Variants in NEMP2 observed in about 807,000 individuals in gnomAD.
The protein encoded by NEMP2 is UPF0571 transmembrane protein.
A neutral mutation model predicts 54.2 loss-of-function variants in NEMP2; 53 were observed. The ratio of observed to expected loss-of-function variants is 0.98; its 90% CI spans 0.78 to 1.23. The LOEUF is 1.23. NEMP2 is among the 50% of genes most tolerant of loss of function. NEMP2 has a pLI of 0.00. For missense variants in NEMP2, 455 were observed against 511.3 expected (o/e 0.89, Z 1.06); for synonymous variants, 197 against 190.3 (o/e 1.04, Z -0.29).
the NEMP2 span, among the ~76,000 whole-genome samples, chr2:190,455,855 G>C: frequency 1.3e-5 from 2 of 148,332 alleles, no homozygotes; most frequent in African/African-American, 2.5e-5. Context: ...AAACAGAATA[G>C]AGCAAAATTT....
At chr2:190,536,022 A>T (rs541813036), upstream of NEMP2, 1 of 152,260 alleles carries the variant, frequency 6.6e-6, no homozygotes, top group Non-Finnish European at 1.5e-5. Context: ...TTTTCTACAG[A>T]TATATCTGGT....
chr2:190,487,295 C>T, the NEMP2 span, among the ~76,000 whole-genome samples: 2 of 152,268 alleles, frequency 1.3e-5, no homozygotes, highest in African/African-American at 4.8e-5. The surrounding 1 kb of genome is among the most constrained non-coding windows in gnomAD (Gnocchi z 5.5). Flanking sequence ...GAGCTGAGGT[C>T]GTGCCACTGC....
chr2:190,512,858 T>C lies in NEMP2; in HGVS notation c.953+1595A>G, dbSNP rs941331833. On this transcript the variant is annotated intron_variant, in intron 7 of 8. Transcript: ENST00000409150. This position sits in a 1 kb window ranked among gnomAD's most constrained non-coding sequence, Gnocchi z 4.5. ...GCCTTTCAGCCCCGCCAGCATCTTC[T>C]GTGCGGGCTCCCTGTCCTGTCAATG... 2.6e-5 allele frequency among the ~76,000 whole-genome samples: 4 copies of C among 152,236 alleles called. No homozygotes were observed. Among genetic ancestry groups the C allele is most frequent in the Non-Finnish European group, 4.4e-5 (3 of 68,044 alleles).
chr2:190,611,002 T>C, the NEMP2 span: 10 of 152,308 alleles, frequency 6.6e-5, no homozygotes, highest in African/African-American at 2.4e-5. This position sits in a 1 kb window ranked among gnomAD's most constrained non-coding sequence, Gnocchi z 5.4. Context: ...GAAACCTGCA[T>C]TCAAGAGCAC....
chr2:190,585,554 C>T, the NEMP2 span, among the ~76,000 whole-genome samples: 1 of 152,156 alleles, frequency 6.6e-6, no homozygotes, highest in Non-Finnish European at 1.5e-5. This position sits in a 1 kb window ranked among gnomAD's most constrained non-coding sequence, Gnocchi z 5.3. Flanking sequence ...GTCTAGTCCC[C>T]CACCCCCATG....
the NEMP2 span, among the ~76,000 whole-genome samples, chr2:190,627,166 T>C: frequency 5.3e-5 from 8 of 152,222 alleles, no homozygotes; most frequent in Non-Finnish European, 1.2e-4. The surrounding 1 kb of genome is among the most constrained non-coding windows in gnomAD (Gnocchi z 4.4). Flanking sequence ...CCATTTTATT[T>C]TCCCGTGTTG....
At chr2:190,585,180 T>C in the NEMP2 span, among the ~76,000 whole-genome samples, 3 of 152,346 alleles carry the variant, frequency 2.0e-5, no homozygotes, top group East Asian at 5.8e-4. This position sits in a 1 kb window ranked among gnomAD's most constrained non-coding sequence, Gnocchi z 5.3. Flanking sequence ...CTCATATGAA[T>C]CTAACAAGGA....
rs775046022 is a variant in NEMP2, at chr2:190,509,425, A to G, written c.1131-113T>C. 1.9e-4 allele frequency: 236 copies of G among 1,234,818 alleles called. 2 individuals carry two copies. The highest frequency in any genetic ancestry group is 2.5e-4 in the Non-Finnish European group (223 of 880,134). The allele number at this position is 1,234,818 out of a possible 1,614,324, so 76.5% of individuals were successfully genotyped here. On this transcript the variant is annotated intron_variant, in intron 8 of 8. Transcript: ENST00000409150. This position sits in a 1 kb window ranked among gnomAD's most constrained non-coding sequence, Gnocchi z 6.1. ...TTTAATTAAATTTGACTTTGCATCA[A>G]TACAGGGTGGCATTTACACAGTGGG...
the NEMP2 span, among the ~76,000 whole-genome samples, chr2:190,611,250 A>G: frequency 6.6e-6 from 1 of 152,242 alleles, no homozygotes; most frequent in African/African-American, 2.4e-5. The surrounding 1 kb of genome is among the most constrained non-coding windows in gnomAD (Gnocchi z 5.4). Flanking sequence ...TGGAACACAT[A>G]CAAATAACAT....
At chr2:190,613,758 T>G in the NEMP2 span, among the ~76,000 whole-genome samples, 1 of 152,076 alleles carries the variant, frequency 6.6e-6, no homozygotes, top group East Asian at 1.9e-4. Context: ...CGGCTAATTT[T>G]TAAAATATTT....
chr2:190,486,592 C>A, the NEMP2 span, among the ~76,000 whole-genome samples: 1 of 152,206 alleles, frequency 6.6e-6, no homozygotes, highest in Non-Finnish European at 1.5e-5. Flanking sequence ...TTGCTGATGT[C>A]CCTCAGGAAC....
the NEMP2 span, chr2:190,629,937 A>G: frequency 2.0e-5 from 3 of 152,272 alleles, no homozygotes; most frequent in Non-Finnish European, 4.4e-5. Context: ...CTTCGCCAGT[A>G]CAATCCTAAA....
chr2:190,437,599 G>T, the NEMP2 span: 21 of 1,579,240 alleles, frequency 1.3e-5, no homozygotes, highest in South Asian at 2.4e-4. This position sits in a 1 kb window ranked among gnomAD's most constrained non-coding sequence, Gnocchi z 5.9. Context: ...CTCAGCAATT[G>T]AACTTTATCT....
the NEMP2 span, among the ~76,000 whole-genome samples, chr2:190,478,790 T>C: frequency 6.6e-6 from 1 of 151,720 alleles, no homozygotes; most frequent in Non-Finnish European, 1.5e-5. Context: ...AATCAGCACT[T>C]CCGTTTTTTG....
intron 1 of NEMP2, chr2:190,534,288 G>A (rs1249152989): frequency 2.6e-6 from 3 of 1,164,926 alleles, no homozygotes; most frequent in African/African-American, 3.2e-5. Context: ...GGTTGCTTCT[G>A]TAAAACGAGG....
chr2:190,506,995 A>C lies in NEMP2; in HGVS notation c.*2194T>G, dbSNP rs1195910312. On this transcript the variant is annotated 3_prime_UTR_variant, in exon 9 of 9. Coordinates refer to ENST00000409150, the MANE Select transcript of NEMP2 (RefSeq NM_001142645.2). The surrounding 1 kb of genome is among the most constrained non-coding windows in gnomAD (Gnocchi z 6.3). ...GGAGGTGAGGGAGAAAGAGAAGGGA[A>C]GGGAGGAAAGAAAGGAGGGAAACAT... 6.6e-6 allele frequency: 1 copy of C among 152,316 alleles called. No homozygotes were observed. The highest frequency in any genetic ancestry group is 1.5e-5 in the Non-Finnish European group (1 of 68,094). 9.4% of individuals were successfully genotyped at this position (152,316 alleles called of 1,614,324 possible).
At chr2:190,424,570 G>A in the NEMP2 span, among the ~76,000 whole-genome samples, 1 of 152,082 alleles carries the variant, frequency 6.6e-6, no homozygotes, top group Non-Finnish European at 1.5e-5. The surrounding 1 kb of genome is among the most constrained non-coding windows in gnomAD (Gnocchi z 5.9). Flanking sequence ...CCTGACCTCA[G>A]GTGATCCGTC....
rs1443238724 is a variant in NEMP2 at position 190,521,006 on chromosome 2, A to G, written c.214-1823T>C. Reference sequence around the variant, plus strand: ...TTGCTTTGTCATGCTCACTTGCAAAATCCAACTCTCCAGCATTCTACTCCT... The same window carrying G: ...TTGCTTTGTCATGCTCACTTGCAAAGTCCAACTCTCCAGCATTCTACTCCT... On this transcript the variant is annotated intron_variant, in intron 2 of 8. Transcript: ENST00000409150. This position sits in a 1 kb window ranked among gnomAD's most constrained non-coding sequence, Gnocchi z 6.2. 6.6e-6 allele frequency among the ~76,000 whole-genome samples: 1 copy of G among 152,122 alleles called. No homozygotes were observed. The highest frequency in any genetic ancestry group is 2.4e-5 in the African/African-American group (1 of 41,416).
chr2:190,591,352 T>C, the NEMP2 span, among the ~76,000 whole-genome samples: 5 of 152,200 alleles, frequency 3.3e-5, no homozygotes, highest in Non-Finnish European at 7.3e-5. This position sits in a 1 kb window ranked among gnomAD's most constrained non-coding sequence, Gnocchi z 5.4. Context: ...TAGCTATGAA[T>C]ATGTTCAAAG....
Sources: gnomAD v4.1 joint callset for allele counts (sites outside exome capture counted in the v4.1 genomes callset) on GRCh38, gnomAD v4.1.1 for gene constraint, Gnocchi (gnomAD v3.1) non-coding constraint, MANE v1.5 for transcripts, NCBI Gene and HGNC (gene_info 2026-07-23, HGNC 2026-07-21) for gene names.